DNAI7: variants seen among roughly 807,000 people sequenced by gnomAD.
The protein encoded by DNAI7 is dynein axonemal intermediate chain 7.
DNAI7 carries 78 observed loss-of-function variants against 86.6 expected under a neutral mutation model. The observed-to-expected ratio is 0.90, with a 90% CI of 0.75 to 1.09. The LOEUF (loss-of-function observed/expected upper bound fraction) is 1.09, where lower values mean the gene tolerates loss of function less well. DNAI7 is among the 50% of genes least tolerant of loss of function. DNAI7 has a pLI of 0.00. For missense variants in DNAI7, 753 were observed against 810.2 expected (o/e 0.93, Z 0.86); for synonymous variants, 274 against 273.0 (o/e 1.00, Z -0.04).
chr12:25,146,957 G>T, intron 8 of DNAI7, 44 bp downstream of exon 8: 1 of 993,982 alleles, frequency 1.0e-6, no homozygotes, highest in Non-Finnish European at 1.6e-6. Flanking sequence ...GTGGCTCAAT[G>T]TCTTTCTTTC....
At chr12:25,162,441 A>G (rs1946939795) in intron 2 of DNAI7, among the ~76,000 whole-genome samples, 1 of 152,236 alleles carries the variant, frequency 6.6e-6, no homozygotes, top group Admixed American at 6.5e-5. Flanking sequence ...GTGCTACATA[A>G]GCAGATACGA....
At chr12:25,177,023 C>A (rs1364855207) in intron 2 of DNAI7, among the ~76,000 whole-genome samples, 1 of 151,578 alleles carries the variant, frequency 6.6e-6, no homozygotes, top group Non-Finnish European at 1.5e-5. Flanking sequence ...CTGCCTCAAC[C>A]TCCTGAGTAG....
Position 25,195,128 on chromosome 12 carries a change from T to C in DNAI7, c.-50A>G, listed in dbSNP as rs769125197. On this transcript the variant is annotated 5_prime_UTR_variant, in exon 1 of 16. Coordinates refer to ENST00000395987, the MANE Select transcript of DNAI7 (RefSeq NM_018272.5). ...GTCCGCAGAGTCGGAGCAGAAATTGTGTGGACAAACGCTCCCGGGTTGCCC... is the reference window on the plus strand; with the variant it reads ...GTCCGCAGAGTCGGAGCAGAAATTGCGTGGACAAACGCTCCCGGGTTGCCC... 5 of 1,598,204 alleles carry C rather than the reference T, an allele frequency of 3.1e-6. No individual in the cohort carries two copies. Among genetic ancestry groups the C allele is most frequent in the Non-Finnish European group, 3.4e-6 (4 of 1,165,792 alleles).
chr12:25,117,714 T>C (rs1366830860), intron 12 of DNAI7, among the ~76,000 whole-genome samples: 3 of 152,150 alleles, frequency 2.0e-5, no homozygotes, highest in Non-Finnish European at 4.4e-5. Flanking sequence ...GTCCCATGGC[T>C]CAAAAATAAA....
intron 9 of DNAI7, among the ~76,000 whole-genome samples, chr12:25,132,176 T>C (rs917929765): frequency 6.6e-6 from 1 of 152,096 alleles, no homozygotes; most frequent in African/African-American, 2.4e-5. Flanking sequence ...ATGAGGAAAG[T>C]ATTGCGTGTT....
intron 2 of DNAI7, among the ~76,000 whole-genome samples, chr12:25,173,748 A>G (rs1948395215): frequency 6.6e-6 from 1 of 151,516 alleles, no homozygotes; most frequent in Admixed American, 6.6e-5. Context: ...ATATATATAT[A>G]CACACACACA....
At chr12:25,115,124 G>A (rs1219780281) in intron 12 of DNAI7, among the ~76,000 whole-genome samples, 1 of 152,042 alleles carries the variant, frequency 6.6e-6, no homozygotes, top group Non-Finnish European at 1.5e-5. Flanking sequence ...ACTCCTCAAG[G>A]GAAAAAGTTT....
chr12:25,140,701 G>GAA (rs139338130), intron 9 of DNAI7, among the ~76,000 whole-genome samples: 12 of 150,932 alleles, frequency 8.0e-5, no homozygotes, highest in South Asian at 4.2e-4. Context: ...CATGGAACTA[G>GAA]AAAAAAAAAT....
chr12:25,193,133 G>A (rs1288952072), intron 1 of DNAI7, among the ~76,000 whole-genome samples: 1 of 149,960 alleles, frequency 6.7e-6, no homozygotes, highest in Admixed American at 6.6e-5. Flanking sequence ...GTGACAAAGC[G>A]AGACAGTCTC....
At chr12:25,148,442 C>A (rs529022910) in intron 7 of DNAI7, among the ~76,000 whole-genome samples, 5 of 152,306 alleles carry the variant, frequency 3.3e-5, no homozygotes, top group Admixed American at 3.3e-4. Context: ...TTTCCCCAAT[C>A]TGAGGTCAAA....
intron 2 of DNAI7, among the ~76,000 whole-genome samples, chr12:25,171,833 C>T (rs574320243): frequency 8.5e-5 from 13 of 152,048 alleles, no homozygotes; most frequent in African/African-American, 2.9e-4. Flanking sequence ...AAACGTGATA[C>T]AACACATAAA....
chr12:25,112,735 A>T (rs1939202183), intron 13 of DNAI7, among the ~76,000 whole-genome samples: 1 of 152,126 alleles, frequency 6.6e-6, no homozygotes, highest in Admixed American at 6.5e-5. Flanking sequence ...TAATGTTAAT[A>T]ATATATTTCA....
At chr12:25,175,523 T>C (rs1948864943) in intron 2 of DNAI7, among the ~76,000 whole-genome samples, 1 of 151,984 alleles carries the variant, frequency 6.6e-6, no homozygotes, top group Admixed American at 6.6e-5. Flanking sequence ...ATTTTTTGTA[T>C]TTTTAGTAGA....
chr12:25,116,044 A>G lies in DNAI7; in HGVS notation c.1397-1174T>C, dbSNP rs181815457. ...CCCTCCTACAACTTTTGAAACTCCA[A>G]GAGGAAGAAACTATGCCTCATTTAT... On this transcript the variant is annotated intron_variant, in intron 12 of 15. Transcript: ENST00000395987. Among the ~76,000 whole-genome samples, 136 of 151,640 alleles carry G rather than the reference A, an allele frequency of 9.0e-4. 1 individual carries two copies. Among genetic ancestry groups the G allele is most frequent in the Middle Eastern group, 3.5e-3 (1 of 286 alleles).
chr12:25,130,408 G>T (rs908174778), intron 9 of DNAI7, among the ~76,000 whole-genome samples: 1 of 151,944 alleles, frequency 6.6e-6, no homozygotes, highest in East Asian at 1.9e-4. Flanking sequence ...GCGGGGGCGG[G>T]TGCCTGTAGT....
At chr12:25,172,316 A>G (rs1948226963) in intron 2 of DNAI7, among the ~76,000 whole-genome samples, 1 of 152,168 alleles carries the variant, frequency 6.6e-6, no homozygotes, top group Non-Finnish European at 1.5e-5. Context: ...GCAACCAAGC[A>G]GAGAATCAAA....
chr12:25,121,788 G>A lies in DNAI7; in HGVS notation c.1204C>T (p.Gln402Ter), dbSNP rs1305762518. ...YHLDILELPP[Q>*]CKPVKGWMIV... ...ATCCATCCCTTCACTGGTTTACACT[G>A]TGGAGGAAGCTCCAAAATATCCAAG... The change falls in exon 11 of 16, where the codon CAG (glutamine) becomes TAG (stop). Residue 402 changes from glutamine (Q) to a stop codon, truncating the protein, a stop_gained. Transcript: ENST00000395987. LOFTEE classifies it high-confidence loss of function. 6.2e-7 allele frequency: 1 copy of A among 1,608,010 alleles called. No homozygotes were observed. The highest frequency in any genetic ancestry group is 8.5e-7 in the Non-Finnish European group (1 of 1,178,630).
At chr12:25,180,674 A>C (rs1183527957) in intron 2 of DNAI7, among the ~76,000 whole-genome samples, 2 of 152,166 alleles carry the variant, frequency 1.3e-5, no homozygotes, top group African/African-American at 4.8e-5. Context: ...AAAATAAACA[A>C]ACAATGGGGA....
intron 6 of DNAI7, among the ~76,000 whole-genome samples, chr12:25,150,066 G>A (rs1012877050): frequency 2.6e-5 from 4 of 152,282 alleles, no homozygotes; most frequent in Non-Finnish European, 5.9e-5. Context: ...TTACAGAAGA[G>A]TGCCATCTGT....
Sources: allele counts gnomAD v4.1 joint callset (sites outside exome capture counted in the v4.1 genomes callset), GRCh38; gene constraint gnomAD v4.1.1; transcripts MANE v1.5; gene names NCBI Gene and HGNC (gene_info 2026-07-23, HGNC 2026-07-21).